Variants in BCL11B observed in about 807,000 individuals in gnomAD.
The protein encoded by BCL11B is BCL11 transcription factor B.
In BCL11B, 8 loss-of-function variants were observed where a neutral mutation model predicts 49.9. That is an observed-to-expected ratio of 0.16 (90% CI 0.09 to 0.29). The LOEUF (loss-of-function observed/expected upper bound fraction) is 0.29. Ranked by LOEUF, BCL11B falls within the 10% of genes least tolerant of loss-of-function variation. The pLI, the probability that BCL11B is intolerant of heterozygous loss-of-function variation, is 1.00. For synonymous variants in BCL11B, 739 were observed against 637.4 expected (o/e 1.16, Z -2.40); for missense variants, 1,006 against 1,351.0 (o/e 0.74, Z 4.00).
At chr14:99,212,460 C>T (rs1055107263) in intron 3 of BCL11B, among the ~76,000 whole-genome samples, 1 of 152,190 alleles carries the variant, frequency 6.6e-6, no homozygotes, top group Non-Finnish European at 1.5e-5. Context: ...CTTGATTTCA[C>T]TTCATTCACA....
At chr14:99,197,656 G>A (rs374314290) in intron 3 of BCL11B, among the ~76,000 whole-genome samples, 39 of 152,218 alleles carry the variant, frequency 2.6e-4, no homozygotes, top group African/African-American at 8.9e-4. Flanking sequence ...CACCCCGCAC[G>A]CACTCTTCCT....
intron 2 of BCL11B, among the ~76,000 whole-genome samples, chr14:99,246,687 G>T (rs1361408027): frequency 6.6e-6 from 1 of 150,900 alleles, no homozygotes; most frequent in Non-Finnish European, 1.5e-5. Flanking sequence ...AGGGGGCTAT[G>T]GACCCCAACC....
chr14:99,225,014 G>A (rs1483237345), intron 3 of BCL11B, among the ~76,000 whole-genome samples: 3 of 152,182 alleles, frequency 2.0e-5, no homozygotes, highest in African/African-American at 7.2e-5. Flanking sequence ...AGATAGCAGA[G>A]CTGAAGTCCA....
rs1282744171 is a variant in BCL11B, at chr14:99,174,739, G to C, written c.2097C>G (p.Ala699=). The change falls in exon 4 of 4, where the codon GCC becomes GCG. Residue 699 remains alanine (A), a synonymous_variant. Transcript: ENST00000357195. ...KVEKDLELPP[A]ALIPSENVYS... is the part of the protein sequence containing the mutation. ...ACACGTTCTCGGACGGGATGAGCGCGGCGGGCGGCAGCTCCAGGTCCTTCT... is the reference window on the plus strand; with the variant it reads ...ACACGTTCTCGGACGGGATGAGCGCCGCGGGCGGCAGCTCCAGGTCCTTCT... The C allele has an allele frequency of 1.3e-6, 2 of 1,530,036 alleles. No individual in the cohort carries two copies. Among genetic ancestry groups the C allele is most frequent in the Admixed American group, 3.9e-5 (2 of 51,266 alleles). 94.8% of individuals were successfully genotyped at this position (1,530,036 alleles called of 1,614,324 possible).
chr14:99,260,748 C>A (rs561239592), intron 1 of BCL11B, among the ~76,000 whole-genome samples: 1 of 152,056 alleles, frequency 6.6e-6, no homozygotes, highest in Admixed American at 6.6e-5. Flanking sequence ...TGCGAGCCCC[C>A]GTAATTGAGT....
rs577352088 is a variant in BCL11B, at chr14:99,232,496, C to T, written c.428-939G>A. On this transcript the variant is annotated intron_variant, in intron 2 of 3. Transcript: ENST00000357195. This position sits in a 1 kb window ranked among gnomAD's most constrained non-coding sequence, Gnocchi z 5.1. The stretch of plus-strand genomic sequence containing the variant: ...AAGCATCAGAGAGACAAAAAGGAAA[C>T]GTCAACAAGAGGATGGGCAGCTGGG... Among the ~76,000 whole-genome samples the T allele has an allele frequency of 4.6e-5, 7 of 152,348 alleles. No homozygotes were observed. Among genetic ancestry groups the T allele is most frequent in the South Asian group, 2.1e-4 (1 of 4,824 alleles).
chr14:99,271,050 CG>C, intron 1 of BCL11B, 110 bp downstream of exon 1: 1 of 1,143,404 alleles, frequency 8.7e-7, no homozygotes, highest in Non-Finnish European at 1.2e-6. Context: ...TGCCAGCCAG[CG>C]GGCGGCCCCG....
intron 2 of BCL11B, among the ~76,000 whole-genome samples, chr14:99,243,645 G>A (rs911275776): frequency 5.3e-5 from 8 of 152,066 alleles, no homozygotes; most frequent in Admixed American, 1.3e-4. Flanking sequence ...TAGATTCTGC[G>A]GCTTTAACAA....
chr14:99,174,113 T>C lies in BCL11B; in HGVS notation c.*38A>G. ...TCAGCATTCTCTCGGTTGGCAACGG[T>C]TCCACTGTACAGGTGCGGGGCGCCG... On this transcript the variant is annotated 3_prime_UTR_variant, in exon 4 of 4. Coordinates refer to ENST00000357195, the MANE Select transcript of BCL11B (RefSeq NM_138576.4). 1 of 1,590,552 alleles carries C rather than the reference T, an allele frequency of 6.3e-7. No individual in the cohort carries two copies.
chr14:99,258,173 C>A (rs549219414), intron 1 of BCL11B, among the ~76,000 whole-genome samples: 1 of 152,336 alleles, frequency 6.6e-6, no homozygotes, highest in South Asian at 2.1e-4. Context: ...ACACACACAC[C>A]CTGGCTGCTG....
rs1887757054 is a variant in BCL11B at position 99,213,866 on chromosome 14, G to A, written c.640+17479C>T. 6.6e-6 allele frequency among the ~76,000 whole-genome samples: 1 copy of A among 152,200 alleles called. No homozygotes were observed. The highest frequency in any genetic ancestry group is 2.1e-4 in the South Asian group (1 of 4,826). On this transcript the variant is annotated intron_variant, in intron 3 of 3. Transcript: ENST00000357195. This position sits in a 1 kb window ranked among gnomAD's most constrained non-coding sequence, Gnocchi z 5.1. ...GCCCAGGCACAAGGGTACTGCTGGG[G>A]CCAGCATCTTGCTTCTGATGCTGGA...
In BCL11B at chr14:99,231,802, G is replaced by A. The variant is rs2139892551; in HGVS notation, c.428-245C>T. Among the ~76,000 whole-genome samples, 1 of 152,150 alleles carries A rather than the reference G, an allele frequency of 6.6e-6. No homozygotes were observed. Among genetic ancestry groups the A allele is most frequent in the African/African-American group, 2.4e-5 (1 of 41,558 alleles). ...ACAGCTGCCAGGCTGGGCTGTCGGG[G>A]AGGCAGGACCCCGCCTCTGGGGGCC... On this transcript the variant is annotated intron_variant, in intron 2 of 3. Coordinates refer to ENST00000357195, the MANE Select transcript of BCL11B (RefSeq NM_138576.4). This position sits in a 1 kb window ranked among gnomAD's most constrained non-coding sequence, Gnocchi z 8.1.
chr14:99,243,306 C>T (rs1888723432), intron 2 of BCL11B, among the ~76,000 whole-genome samples: 1 of 152,106 alleles, frequency 6.6e-6, no homozygotes, highest in East Asian at 1.9e-4. Context: ...CCCACATAAA[C>T]CTCCTCCCAA....
In BCL11B at chr14:99,174,118, C is replaced by T. The variant is rs1201700269; in HGVS notation, c.*33G>A. 6.3e-7 allele frequency: 1 copy of T among 1,597,018 alleles called. No individual in the cohort carries two copies. The highest frequency in any genetic ancestry group is 1.7e-5 in the Admixed American group (1 of 59,706). On this transcript the variant is annotated 3_prime_UTR_variant, in exon 4 of 4. Transcript: ENST00000357195. ...ATTCTCTCGGTTGGCAACGGTTCCA[C>T]TGTACAGGTGCGGGGCGCCGGGGCC...
intron 1 of BCL11B, 24 bp downstream of exon 1, chr14:99,271,137 C>T (rs1292772952): frequency 1.3e-6 from 2 of 1,537,502 alleles, no homozygotes; most frequent in South Asian, 1.2e-5. Flanking sequence ...TCCGGCCCCT[C>T]GCGCGCACTC....
At position 99,183,835 on chromosome 14, in the gene BCL11B, GCC is replaced by G. The variant is rs929884526; in HGVS notation, c.641-7642_641-7641del. ...GTCCACATGCCGCCCTCCACACCGG[GCC>G]CCCTCCAGAGAGCAGGGCTCCACTC... On this transcript the variant is annotated intron_variant, in intron 3 of 3. Coordinates refer to ENST00000357195, the MANE Select transcript of BCL11B (RefSeq NM_138576.4). Among the ~76,000 whole-genome samples, 4 of 151,396 alleles carry G rather than the reference GCC, an allele frequency of 2.6e-5. No individual in the cohort carries two copies. The East Asian group carries it at 5.8e-4, about 22-fold the overall frequency.
chr14:99,227,471 C>T (rs889754580), intron 3 of BCL11B, among the ~76,000 whole-genome samples: 1 of 152,132 alleles, frequency 6.6e-6, no homozygotes, highest in African/African-American at 2.4e-5. Flanking sequence ...ACTTGACCAC[C>T]GCTTTCCAAT....
chr14:99,181,508 A>G (rs1886701216), intron 3 of BCL11B, among the ~76,000 whole-genome samples: 1 of 152,188 alleles, frequency 6.6e-6, no homozygotes, highest in Non-Finnish European at 1.5e-5. Flanking sequence ...GCCTCGGCAC[A>G]CAGCACCACC....
intron 2 of BCL11B, among the ~76,000 whole-genome samples, chr14:99,253,863 T>C (rs1054866152): frequency 6.4e-4 from 97 of 152,254 alleles, no homozygotes; most frequent in African/African-American, 2.1e-3. Context: ...AATGTAAACC[T>C]ATAGGCAGCG....
Sources: allele counts gnomAD v4.1 joint callset (sites outside exome capture counted in the v4.1 genomes callset), GRCh38; gene constraint gnomAD v4.1.1; non-coding constraint Gnocchi (gnomAD v3.1); transcripts MANE v1.5; gene names NCBI Gene and HGNC (gene_info 2026-07-23, HGNC 2026-07-21).